The following FARP1 variants were observed in gnomAD, a reference collection of about 807,000 sequenced individuals.
FARP1 encodes FERM, ARH/RhoGEF and pleckstrin domain protein 1.
Under a neutral mutation model 128.8 loss-of-function variants are expected in FARP1, and 52 were observed. That is an observed-to-expected ratio of 0.40 (90% CI 0.32 to 0.51). The LOEUF (loss-of-function observed/expected upper bound fraction) is 0.51. FARP1 is among the 20% of genes least tolerant of loss of function. The pLI is 0.45. For synonymous variants in FARP1, 580 were observed against 551.8 expected (o/e 1.05, Z -0.72); for missense variants, 1,333 against 1,367.9 (o/e 0.97, Z 0.40).
intron 18 of FARP1, 175 bp downstream of exon 18, chr13:98,431,455 A>C (rs1594529039): frequency 2.5e-5 from 12 of 479,796 alleles, no homozygotes; most frequent in South Asian, 8.9e-5. Flanking sequence ...GTTTGGTTAC[A>C]TCTTGATTTT....
At chr13:98,375,042 G>A (rs1435691705) in intron 5 of FARP1, among the ~76,000 whole-genome samples, 2 of 152,206 alleles carry the variant, frequency 1.3e-5, no homozygotes, top group African/African-American at 2.4e-5. Flanking sequence ...CCAGCACTCA[G>A]GATGAAATCT....
intron 16 of FARP1, among the ~76,000 whole-genome samples, chr13:98,423,120 T>C (rs891153284): frequency 1.3e-5 from 2 of 152,194 alleles, no homozygotes; most frequent in African/African-American, 2.4e-5. Context: ...TTCCATGTTC[T>C]TCTGCCTACT....
intron 1 of FARP1, among the ~76,000 whole-genome samples, chr13:98,180,964 C>A (rs1878463507): frequency 6.6e-6 from 1 of 152,042 alleles, no homozygotes; most frequent in Admixed American, 6.6e-5. Flanking sequence ...TATGTGTTTC[C>A]TCATTTATAT....
At chr13:98,368,406 G>T (rs1889188988) in intron 5 of FARP1, among the ~76,000 whole-genome samples, 1 of 152,164 alleles carries the variant, frequency 6.6e-6, no homozygotes, top group Admixed American at 6.5e-5. Flanking sequence ...TTTCTTGAAG[G>T]TTGTGATATG....
chr13:98,178,555 T>C (rs1878273725), intron 1 of FARP1, among the ~76,000 whole-genome samples: 1 of 152,216 alleles, frequency 6.6e-6, no homozygotes, highest in South Asian at 2.1e-4. Flanking sequence ...AAATAATTCA[T>C]TTATATAATG....
chr13:98,382,927 G>C (rs1468475270), intron 6 of FARP1, among the ~76,000 whole-genome samples: 2 of 152,168 alleles, frequency 1.3e-5, no homozygotes, highest in East Asian at 3.8e-4. Flanking sequence ...TGTTAGGTAA[G>C]CATCGTTCAG....
Position 98,424,668 on chromosome 13 carries a change from T to TG in FARP1, c.1905+21dup, listed in dbSNP as rs763708972. Reference sequence around the variant, plus strand: ...GCATGAAGGTGAGCTGGTTGAGATTTGGGTGGAGCAAGGTTCACCAAGGAG... The same window carrying TG: ...GCATGAAGGTGAGCTGGTTGAGATTTGGGGTGGAGCAAGGTTCACCAAGGAG... On this transcript the variant is annotated intron_variant, in intron 17 of 26. Transcript: ENST00000319562. 7 of 1,579,178 alleles carry TG rather than the reference T, an allele frequency of 4.4e-6. No individual in the cohort carries two copies. The Admixed American group carries it at 1.2e-4, about 26-fold the overall frequency.
At chr13:98,241,338 G>GA (rs1882760078) in intron 2 of FARP1, among the ~76,000 whole-genome samples, 1 of 56,734 alleles carries the variant, frequency 1.8e-5, no homozygotes, top group Non-Finnish European at 4.6e-5. Flanking sequence ...AGCACCTCCA[G>GA]GGGAGTGTGG....
chr13:98,386,193 T>TCTTTTC (rs1555342703), intron 8 of FARP1, among the ~76,000 whole-genome samples: 2 of 147,750 alleles, frequency 1.4e-5, no homozygotes, highest in African/African-American at 5.1e-5. Context: ...GATCCTTTTT[T>TCTTTTC]TTTTTTTTTT....
chr13:98,313,753 C>T (rs1252972242), intron 2 of FARP1, among the ~76,000 whole-genome samples: 9 of 152,112 alleles, frequency 5.9e-5, no homozygotes, highest in Non-Finnish European at 1.3e-4. Context: ...AAAAAAAATG[C>T]GGAAGAAGTA....
chr13:98,171,171 C>T (rs575663871), intron 1 of FARP1, among the ~76,000 whole-genome samples: 10 of 152,312 alleles, frequency 6.6e-5, no homozygotes, highest in East Asian at 1.9e-4. Flanking sequence ...CCCAACACCT[C>T]GTGCCTCATT....
chr13:98,442,686 A>G (rs1473019109), intron 24 of FARP1, among the ~76,000 whole-genome samples: 1 of 152,202 alleles, frequency 6.6e-6, no homozygotes, highest in Non-Finnish European at 1.5e-5. Context: ...GGATTATGAT[A>G]GCAGGAAAGG....
intron 2 of FARP1, among the ~76,000 whole-genome samples, chr13:98,302,600 A>G (rs1039933021): frequency 5.9e-5 from 9 of 152,234 alleles, no homozygotes; most frequent in African/African-American, 2.2e-4. Flanking sequence ...ATTTTTACCT[A>G]TAACATCGTT....
chr13:98,254,525 G>T (rs1194535742), intron 2 of FARP1, among the ~76,000 whole-genome samples: 1 of 152,186 alleles, frequency 6.6e-6, no homozygotes, highest in African/African-American at 2.4e-5. Context: ...ACGAAGAATT[G>T]TGTCTGTTGT....
chr13:98,438,203 G>A (rs1892366264), intron 19 of FARP1, among the ~76,000 whole-genome samples: 1 of 152,154 alleles, frequency 6.6e-6, no homozygotes, highest in Admixed American at 6.5e-5. Context: ...AGGTGCCTTG[G>A]ACACATCTGC....
At chr13:98,239,265 C>T (rs1456800267) in intron 2 of FARP1, among the ~76,000 whole-genome samples, 2 of 152,152 alleles carry the variant, frequency 1.3e-5, no homozygotes, top group Non-Finnish European at 2.9e-5. Context: ...CCTGGACCGA[C>T]CCTGGTTGTG....
Position 98,209,839 on chromosome 13 carries a change from G to A in FARP1, c.-23-3381G>A, listed in dbSNP as rs573694300. 3.8e-3 allele frequency among the ~76,000 whole-genome samples: 562 copies of A among 146,408 alleles called. 3 individuals are homozygous for A. The highest frequency in any genetic ancestry group is 0.013 in the African/African-American group (506 of 39,766). Reference sequence around the variant, plus strand: ...AAAAAAAAAAAAAAAAGAAAAAGCCGGGGGTGGTGGTGCACGCCTGTAATC... The same window carrying A: ...AAAAAAAAAAAAAAAAGAAAAAGCCAGGGGTGGTGGTGCACGCCTGTAATC... On this transcript the variant is annotated intron_variant, in intron 1 of 26. Coordinates refer to ENST00000319562, the MANE Select transcript of FARP1 (RefSeq NM_005766.4).
At chr13:98,260,789 A>G (rs1374197647) in intron 2 of FARP1, among the ~76,000 whole-genome samples, 1 of 152,194 alleles carries the variant, frequency 6.6e-6, no homozygotes, top group Non-Finnish European at 1.5e-5. Context: ...TTTGAAATCA[A>G]CTTCTCATCT....
intron 1 of FARP1, among the ~76,000 whole-genome samples, chr13:98,168,778 T>C (rs890613541): frequency 1.3e-5 from 2 of 152,220 alleles, no homozygotes; most frequent in African/African-American, 4.8e-5. Context: ...CTTGTGGATT[T>C]GTTAGAAGAT....
Sources: allele counts gnomAD v4.1 joint callset (sites outside exome capture counted in the v4.1 genomes callset), GRCh38; gene constraint gnomAD v4.1.1; transcripts MANE v1.5; gene names NCBI Gene and HGNC (gene_info 2026-07-23, HGNC 2026-07-21).